The following MRE11 variants were observed in gnomAD, a reference collection of about 807,000 sequenced individuals.
MRE11 encodes the protein MRE11 double strand break repair nuclease, also known as double-strand break repair protein MRE11.
MRE11 carries 62 observed loss-of-function variants against 91.7 expected under a neutral mutation model. The ratio of observed to expected loss-of-function variants is 0.68; its 90% CI spans 0.55 to 0.84. The LOEUF is 0.84. MRE11 is among the 40% of genes least tolerant of loss of function. MRE11 has a pLI of 0.00. For synonymous variants in MRE11, 273 were observed against 271.4 expected (o/e 1.01, Z -0.06); for missense variants, 796 against 852.9 (o/e 0.93, Z 0.83).
the MRE11 span, among the ~76,000 whole-genome samples, chr11:94,506,796 A>C: frequency 6.6e-6 from 1 of 151,870 alleles, no homozygotes; most frequent in Non-Finnish European, 1.5e-5. Context: ...TGCTATGTTG[A>C]CCAGGCTGGT....
the MRE11 span, among the ~76,000 whole-genome samples, chr11:94,504,263 A>G: frequency 6.6e-6 from 1 of 152,322 alleles, no homozygotes; most frequent in African/African-American, 2.4e-5. Context: ...TATGAAGTCG[A>G]TTTTTAAAAA....
intron 1 of MRE11, among the ~76,000 whole-genome samples, chr11:94,493,256 G>A (rs1355461777): frequency 1.3e-5 from 2 of 152,092 alleles, no homozygotes; most frequent in African/African-American, 2.4e-5. Flanking sequence ...TTTTTAAGTT[G>A]CACGCATAGG....
chr11:94,476,078 C>T (rs191659369), intron 7 of MRE11, among the ~76,000 whole-genome samples: 2 of 152,150 alleles, frequency 1.3e-5, no homozygotes, highest in East Asian at 3.9e-4. Context: ...CATGTGTATG[C>T]CTTATCCTTA....
At chr11:94,477,754 G>T (rs1189442555) in intron 6 of MRE11, among the ~76,000 whole-genome samples, 1 of 151,078 alleles carries the variant, frequency 6.6e-6, no homozygotes, top group Non-Finnish European at 1.5e-5. Context: ...TAGGTAAAAA[G>T]TCTGAGAGAA....
At position 94,471,545 on chromosome 11, in the gene MRE11, A is replaced by G. The variant is rs763893177; in HGVS notation, c.845+29T>C. The G allele has an allele frequency of 3.7e-6, 6 of 1,607,570 alleles. No homozygotes were observed. In the Admixed American group the frequency reaches 1.0e-4, roughly 27 times the overall value. ...TAGTTATTATAGCAAAGATTTCTTA[A>G]AAATTGGCTCAAAATATATAACACT... On this transcript the variant is annotated intron_variant, in intron 8 of 19. Transcript: ENST00000323929.
Position 94,480,696 on chromosome 11 carries a change from G to A in MRE11, c.315-935C>T, listed in dbSNP as rs116616392. Among the ~76,000 whole-genome samples, 679 of 152,310 alleles carry A rather than the reference G, an allele frequency of 4.5e-3. 7 individuals carry two copies. The highest frequency in any genetic ancestry group is 0.016 in the African/African-American group (651 of 41,556). ...GAGATTTACACATAATGCAATGGCAGTGCACAAGAGGGACAGTTTTCCCCT... is the reference window on the plus strand; with the variant it reads ...GAGATTTACACATAATGCAATGGCAATGCACAAGAGGGACAGTTTTCCCCT... On this transcript the variant is annotated intron_variant, in intron 4 of 19. Transcript: ENST00000323929.
At chr11:94,511,293 A>G in the MRE11 span, among the ~76,000 whole-genome samples, 5 of 152,172 alleles carry the variant, frequency 3.3e-5, no homozygotes, top group South Asian at 1.0e-3. Context: ...GCCTTCCACC[A>G]TGATTGTAAG....
chr11:94,467,493 A>G lies in MRE11; in HGVS notation c.1098+320T>C, dbSNP rs565192734. ...AAAGGGAGATAAGAGCACATCCCAC[A>G]TGCCCAAGAAACTGCGAGAAGGCCA... On this transcript the variant is annotated intron_variant, in intron 10 of 19. Coordinates refer to ENST00000323929, the MANE Select transcript of MRE11 (RefSeq NM_005591.4). Among the ~76,000 whole-genome samples, 121 of 152,280 alleles carry G rather than the reference A, an allele frequency of 7.9e-4. 2 individuals are homozygous for G. The South Asian group carries it at 0.024, about 31-fold the overall frequency.
At chr11:94,475,359 A>G (rs1319806700) in intron 7 of MRE11, 2 of 297,366 alleles carry the variant, frequency 6.7e-6, no homozygotes, top group Admixed American at 8.4e-5. Context: ...CAAATGCTAT[A>G]CCATTTTATT....
intron 4 of MRE11, among the ~76,000 whole-genome samples, chr11:94,484,141 C>CG (rs1947079180): frequency 1.3e-5 from 2 of 151,882 alleles, no homozygotes; most frequent in African/African-American, 4.8e-5. Flanking sequence ...AAAAGGAGCC[C>CG]AATGGCTAAA....
intron 1 of MRE11, 81 bp from the exon 2 acceptor site, chr11:94,492,987 T>G: frequency 1.6e-6 from 1 of 606,978 alleles, no homozygotes; most frequent in Non-Finnish European, 2.9e-6. Flanking sequence ...CTGCACAAGG[T>G]ACAGACGTCT....
chr11:94,445,683 A>G (rs760731257), intron 16 of MRE11, 127 bp downstream of exon 16: 3 of 753,646 alleles, frequency 4.0e-6, no homozygotes, highest in South Asian at 2.9e-5. Flanking sequence ...AAAATAATTT[A>G]TCCTGTGATC....
intron 19 of MRE11, among the ~76,000 whole-genome samples, chr11:94,423,855 C>A (rs931461429): frequency 2.0e-5 from 3 of 152,180 alleles, no homozygotes; most frequent in African/African-American, 7.2e-5. Flanking sequence ...GGCTGGCACT[C>A]AAGTAGGGGA....
Position 94,420,815 on chromosome 11 carries a change from G to A in MRE11, c.2071-634C>T, listed in dbSNP as rs1236605197. ...TGGAAGGCCGAGGCGGGTGGATCAC[G>A]AGGTCAGGAGATCGAGACCATCCTG... On this transcript the variant is annotated intron_variant, in intron 19 of 19. Transcript: ENST00000323929. Among the ~76,000 whole-genome samples, 6 of 152,220 alleles carry A rather than the reference G, an allele frequency of 3.9e-5. No homozygotes were observed. The South Asian group carries it at 6.2e-4, about 16-fold the overall frequency.
At chr11:94,511,033 G>T in the MRE11 span, among the ~76,000 whole-genome samples, 74 of 152,264 alleles carry the variant, frequency 4.9e-4, 1 homozygote, top group East Asian at 0.013. Context: ...TGCCTGAACT[G>T]CCTGGAGAAA....
the MRE11 span, among the ~76,000 whole-genome samples, chr11:94,505,951 G>A: frequency 6.6e-6 from 1 of 152,196 alleles, no homozygotes; most frequent in Admixed American, 6.5e-5. Flanking sequence ...CAGGTTTGTA[G>A]CCTAGGAGCA....
intron 7 of MRE11, among the ~76,000 whole-genome samples, chr11:94,474,081 AG>A (rs1409232422): frequency 6.6e-6 from 1 of 152,130 alleles, no homozygotes; most frequent in Admixed American, 6.6e-5. Context: ...GTTCATTCAG[AG>A]TGCTGAGCAA....
intron 14 of MRE11, among the ~76,000 whole-genome samples, chr11:94,451,205 T>A (rs1946095004): frequency 6.6e-6 from 1 of 151,272 alleles, no homozygotes; most frequent in Non-Finnish European, 1.5e-5. Context: ...GAAGGAAGAA[T>A]GGGAGGGAAG....
chr11:94,471,885 TG>T, intron 7 of MRE11, 126 bp from the exon 8 acceptor site: 1 of 763,320 alleles, frequency 1.3e-6, no homozygotes, highest in Admixed American at 2.5e-5. Flanking sequence ...TACCAGAAAG[TG>T]TGCACAGGAT....
Sources: gnomAD v4.1 joint callset for allele counts (sites outside exome capture counted in the v4.1 genomes callset) on GRCh38, gnomAD v4.1.1 for gene constraint, MANE v1.5 for transcripts, NCBI Gene and HGNC (gene_info 2026-07-23, HGNC 2026-07-21) for gene names.